DYNC2H1: variants seen among roughly 807,000 people sequenced by gnomAD.
The protein encoded by DYNC2H1 is cytoplasmic dynein 2 heavy chain 1.
Under a neutral mutation model 570.0 loss-of-function variants are expected in DYNC2H1, and 410 were observed. The ratio of observed to expected loss-of-function variants is 0.72; its 90% CI spans 0.66 to 0.78. DYNC2H1 has a LOEUF of 0.78. DYNC2H1 is among the 30% of genes least tolerant of loss of function. The pLI, the probability that DYNC2H1 is intolerant of heterozygous loss-of-function variation, is 0.00. For missense variants in DYNC2H1, 4,865 were observed against 5,046.4 expected (o/e 0.96, Z 1.09); for synonymous variants, 1,688 against 1,677.6 (o/e 1.01, Z -0.15).
intron 43 of DYNC2H1, 113 bp downstream of exon 43, chr11:103,187,699 C>A: frequency 1.5e-6 from 2 of 1,306,848 alleles, no homozygotes; most frequent in South Asian, 3.0e-5. Flanking sequence ...TAGCATTTGT[C>A]ATGGAAATTA....
Position 103,157,001 on chromosome 11 carries a change from T to G in DYNC2H1, c.4127+231T>G, listed in dbSNP as rs1860867806. On this transcript the variant is annotated intron_variant, in intron 26 of 88. Transcript: ENST00000375735. The surrounding 1 kb of genome is among the most constrained non-coding windows in gnomAD (Gnocchi z 4.2). The stretch of plus-strand genomic sequence containing the variant: ...ACCACTCTACCTAATAATACATACT[T>G]CATAAAATCACTAATTACTTTCTCT... Among the ~76,000 whole-genome samples, 1 of 152,302 alleles carries G rather than the reference T, an allele frequency of 6.6e-6. No homozygotes were observed. The highest frequency in any genetic ancestry group is 2.1e-4 in the South Asian group (1 of 4,820).
intron 87 of DYNC2H1, among the ~76,000 whole-genome samples, chr11:103,457,341 C>T (rs1944821645): frequency 6.6e-6 from 1 of 152,054 alleles, no homozygotes; most frequent in Admixed American, 6.6e-5. Context: ...GCAGGTCCTT[C>T]AGGAGGTATA....
intron 84 of DYNC2H1, among the ~76,000 whole-genome samples, chr11:103,433,942 G>A (rs1943979302): frequency 6.6e-6 from 1 of 152,084 alleles, no homozygotes; most frequent in African/African-American, 2.4e-5. Context: ...AGATGGAAAG[G>A]CTAACGTCCT....
intron 81 of DYNC2H1, among the ~76,000 whole-genome samples, chr11:103,323,117 T>G (rs1269282589): frequency 6.6e-6 from 1 of 152,122 alleles, no homozygotes; most frequent in African/African-American, 2.4e-5. Context: ...GCAAACACGG[T>G]TTAGATGCAC....
intron 83 of DYNC2H1, among the ~76,000 whole-genome samples, chr11:103,383,386 C>G (rs1941736621): frequency 6.6e-6 from 1 of 152,090 alleles, no homozygotes. Context: ...TATGCCTTTT[C>G]ATTTGCACGT....
Position 103,120,583 on chromosome 11 carries a change from T to C in DYNC2H1, c.1134+2T>C. Reference sequence around the variant, plus strand: ...GTGCAATATAATCCATATACTGAGGTTGTATATATATTTGTTTATGTCTGT... The same window carrying C: ...GTGCAATATAATCCATATACTGAGGCTGTATATATATTTGTTTATGTCTGT... On this transcript the variant is annotated splice_donor_variant, in intron 7 of 88. Coordinates refer to ENST00000375735, the MANE Select transcript of DYNC2H1 (RefSeq NM_001377.3). LOFTEE classifies it high-confidence loss of function. 1 of 1,609,502 alleles carries C rather than the reference T, an allele frequency of 6.2e-7. No individual in the cohort carries two copies. Among genetic ancestry groups the C allele is most frequent in the Non-Finnish European group, 8.5e-7 (1 of 1,178,006 alleles).
rs866083723 is a variant in DYNC2H1, at chr11:103,387,188, A to C, written c.12157-12475A>C. Among the ~76,000 whole-genome samples, 531 of 152,042 alleles carry C rather than the reference A, an allele frequency of 3.5e-3. 3 individuals are homozygous for C. Among genetic ancestry groups the C allele is most frequent in the African/African-American group, 0.012 (489 of 41,446 alleles). ...TTGTTTCCTGACTTTTTAATGATTGACATTCTAACTGGTGTGAGATGGTAT... is the reference window on the plus strand; with the variant it reads ...TTGTTTCCTGACTTTTTAATGATTGCCATTCTAACTGGTGTGAGATGGTAT... On this transcript the variant is annotated intron_variant, in intron 83 of 88. Coordinates refer to ENST00000375735, the MANE Select transcript of DYNC2H1 (RefSeq NM_001377.3).
Position 103,177,846 on chromosome 11 carries a change from C to A in DYNC2H1, c.6139+26C>A. ...GTTAGTCTCTATGTATACTTCTTTG[C>A]TTTACTTAGTAATTCTTAGATAATG... On this transcript the variant is annotated intron_variant, in intron 38 of 88. Transcript: ENST00000375735. This position sits in a 1 kb window ranked among gnomAD's most constrained non-coding sequence, Gnocchi z 4.4. 1.3e-6 allele frequency: 2 copies of A among 1,572,036 alleles called. No homozygotes were observed. Among genetic ancestry groups the A allele is most frequent in the Non-Finnish European group, 1.7e-6 (2 of 1,167,412 alleles).
chr11:103,321,083 A>G lies in DYNC2H1; in HGVS notation c.11780A>G (p.Tyr3927Cys). Residue 3927 changes from tyrosine to cysteine, a missense_variant, in exon 81 of 89, where the codon TAT becomes TGT. Coordinates refer to ENST00000375735, the MANE Select transcript of DYNC2H1 (RefSeq NM_001377.3). ...CATGGTTTACTTGAAAATGCTATTTATGGAGGACGTATAGACAACTATTTT... is the reference window on the plus strand; with the variant it reads ...CATGGTTTACTTGAAAATGCTATTTGTGGAGGACGTATAGACAACTATTTT... ...FVHGLLENAIYGGRIDNYFDL... is the reference protein window; with the variant it reads ...FVHGLLENAICGGRIDNYFDL... 1.2e-6 allele frequency: 2 copies of G among 1,612,916 alleles called. No homozygotes were observed. The highest frequency in any genetic ancestry group is 1.7e-6 in the Non-Finnish European group (2 of 1,179,420).
At chr11:103,272,902 C>G (rs1865765686) in intron 70 of DYNC2H1, among the ~76,000 whole-genome samples, 2 of 151,954 alleles carry the variant, frequency 1.3e-5, no homozygotes, top group Admixed American at 1.3e-4. Context: ...TGAGATTTTG[C>G]TTGTTATATA....
intron 84 of DYNC2H1, among the ~76,000 whole-genome samples, chr11:103,422,016 T>A (rs1228407775): frequency 6.6e-6 from 1 of 151,674 alleles, no homozygotes; most frequent in Non-Finnish European, 1.5e-5. Flanking sequence ...ATATCACAAC[T>A]CATGCCACAG....
intron 85 of DYNC2H1, among the ~76,000 whole-genome samples, chr11:103,453,873 T>C (rs1944696748): frequency 1.3e-5 from 2 of 151,882 alleles, no homozygotes; most frequent in South Asian, 2.1e-4. Flanking sequence ...ATAAAAATTA[T>C]TTGATAGGGA....
chr11:103,354,069 C>G (rs1322101433), intron 82 of DYNC2H1, among the ~76,000 whole-genome samples: 1 of 149,174 alleles, frequency 6.7e-6, no homozygotes. Flanking sequence ...CCCAGCTACT[C>G]GGGAGGCTGA....
intron 40 of DYNC2H1, among the ~76,000 whole-genome samples, chr11:103,184,279 A>G (rs1861976245): frequency 1.3e-5 from 2 of 151,980 alleles, no homozygotes; most frequent in South Asian, 2.1e-4. Context: ...AAAACAAAGC[A>G]AAAACAAACC....
intron 82 of DYNC2H1, among the ~76,000 whole-genome samples, chr11:103,345,374 G>A (rs985958157): frequency 6.6e-6 from 1 of 152,090 alleles, no homozygotes; most frequent in Non-Finnish European, 1.5e-5. Flanking sequence ...TAGAGTATAT[G>A]CTTAGGAATA....
intron 85 of DYNC2H1, among the ~76,000 whole-genome samples, chr11:103,444,980 G>A (rs1323580454): frequency 2.6e-5 from 4 of 152,146 alleles, no homozygotes; most frequent in South Asian, 2.1e-4. Context: ...AGGTGATTCC[G>A]CTGGTATATG....
Position 103,113,527 on chromosome 11 carries a change from A to G in DYNC2H1, c.196-10A>G. The G allele has an allele frequency of 6.7e-7, 1 of 1,502,128 alleles. No homozygotes were observed. The highest frequency in any genetic ancestry group is 8.8e-7 in the Non-Finnish European group (1 of 1,131,710). 93.0% of individuals were successfully genotyped at this position (1,502,128 alleles called of 1,614,324 possible). A position where few individuals can be genotyped will look rare whatever the true frequency, so the allele number is the denominator to read the frequency against. ...ATGAAGATAACATTAAAAATCATTTATCACTTTAGATTGAGTTTGGTGACA... is the reference window on the plus strand; with the variant it reads ...ATGAAGATAACATTAAAAATCATTTGTCACTTTAGATTGAGTTTGGTGACA... On this transcript the variant is annotated splice_polypyrimidine_tract_variant and intron_variant, in intron 1 of 88. Coordinates refer to ENST00000375735, the MANE Select transcript of DYNC2H1 (RefSeq NM_001377.3).
chr11:103,297,176 T>TA (rs1866868105), intron 75 of DYNC2H1, among the ~76,000 whole-genome samples: 6 of 152,248 alleles, frequency 3.9e-5, no homozygotes, highest in Non-Finnish European at 4.4e-5. Flanking sequence ...TGTTTTTATA[T>TA]TAAAAACATC....
intron 88 of DYNC2H1, among the ~76,000 whole-genome samples, chr11:103,475,692 C>CT (rs1375786270): frequency 2.0e-5 from 3 of 152,084 alleles, no homozygotes; most frequent in Admixed American, 6.6e-5. Flanking sequence ...GATTTGTACC[C>CT]TGGCTGTAAG....
Sources: gnomAD v4.1 joint callset for allele counts (sites outside exome capture counted in the v4.1 genomes callset) on GRCh38, gnomAD v4.1.1 for gene constraint, Gnocchi (gnomAD v3.1) non-coding constraint, MANE v1.5 for transcripts, NCBI Gene and HGNC (gene_info 2026-07-23, HGNC 2026-07-21) for gene names.